GLIS3: variants seen among roughly 807,000 people sequenced by gnomAD.
GLIS3 encodes GLIS family zinc finger 3.
Under a neutral mutation model 78.6 loss-of-function variants are expected in GLIS3, and 53 were observed. The ratio of observed to expected loss-of-function variants is 0.67; its 90% CI spans 0.54 to 0.85. The LOEUF (loss-of-function observed/expected upper bound fraction) is 0.85. GLIS3 is among the 40% of genes least tolerant of loss of function. GLIS3 has a pLI of 0.00. For synonymous variants in GLIS3, 684 were observed against 509.9 expected, an observed-to-expected ratio of 1.34 and a Z score of -4.60; for missense variants, 1,703 against 1,231.1, an observed-to-expected ratio of 1.38 and a Z score of -5.74.
At chr9:4,078,537 C>T (rs1828272835) in intron 4 of GLIS3, among the ~76,000 whole-genome samples, 1 of 152,210 alleles carries the variant, frequency 6.6e-6, no homozygotes, top group African/African-American at 2.4e-5. Context: ...GGAACCACCA[C>T]AGGCTGCCTG....
At chr9:3,864,979 T>C (rs1441533208) in intron 8 of GLIS3, among the ~76,000 whole-genome samples, 1 of 152,190 alleles carries the variant, frequency 6.6e-6, no homozygotes, top group East Asian at 1.9e-4. Context: ...TGCCAATTCC[T>C]GTGCCCAGGT....
chr9:4,203,638 A>C (rs1819600105), intron 2 of GLIS3, among the ~76,000 whole-genome samples: 1 of 152,246 alleles, frequency 6.6e-6, no homozygotes, highest in Admixed American at 6.5e-5. Flanking sequence ...TTTTCAACCA[A>C]AAAGATATAT....
chr9:4,470,679 T>G, the GLIS3 span, among the ~76,000 whole-genome samples: 1 of 151,922 alleles, frequency 6.6e-6, no homozygotes, highest in Admixed American at 6.6e-5. Flanking sequence ...AAGCATTCCC[T>G]TTGAAAACTG....
chr9:4,068,423 C>T (rs772955203), intron 4 of GLIS3, among the ~76,000 whole-genome samples: 29 of 151,868 alleles, frequency 1.9e-4, no homozygotes, highest in Non-Finnish European at 3.2e-4. Context: ...TTTATAACTT[C>T]CAAGTTGCAA....
chr9:4,449,196 C>A, the GLIS3 span, among the ~76,000 whole-genome samples: 1 of 152,328 alleles, frequency 6.6e-6, no homozygotes, highest in South Asian at 2.1e-4. Flanking sequence ...GGATCCCAAG[C>A]CCACAGAACC....
intron 2 of GLIS3, among the ~76,000 whole-genome samples, chr9:4,193,761 A>G (rs546416220): frequency 6.6e-6 from 1 of 152,370 alleles, no homozygotes; most frequent in South Asian, 2.1e-4. Context: ...CAGATGTCTT[A>G]GAGGCAAATG....
At chr9:4,102,349 G>A (rs1358262183) in intron 4 of GLIS3, among the ~76,000 whole-genome samples, 1 of 152,160 alleles carries the variant, frequency 6.6e-6, no homozygotes. Context: ...GGTTTTTTAA[G>A]CCAAGTATCT....
chr9:3,867,232 G>C (rs145134669), intron 8 of GLIS3, among the ~76,000 whole-genome samples: 92 of 152,272 alleles, frequency 6.0e-4, no homozygotes, highest in African/African-American at 2.0e-3. Flanking sequence ...ATGTTGTTTT[G>C]TTGTTGTTGT....
At chr9:4,307,158 G>A (rs1332757771) in intron 4 of GLIS3, among the ~76,000 whole-genome samples, 1 of 152,186 alleles carries the variant, frequency 6.6e-6, no homozygotes, top group East Asian at 1.9e-4. Context: ...AATTCTCACA[G>A]TGTAGAGGCT....
intron 6 of GLIS3, among the ~76,000 whole-genome samples, chr9:3,930,468 G>T (rs575733714): frequency 3.0e-4 from 45 of 152,152 alleles, no homozygotes; most frequent in Non-Finnish European, 6.3e-4. Flanking sequence ...TCAAGATATG[G>T]TTTTCTTTTT....
intron 2 of GLIS3, among the ~76,000 whole-genome samples, chr9:4,171,189 G>A (rs954075893): frequency 1.3e-5 from 2 of 152,098 alleles, no homozygotes; most frequent in Non-Finnish European, 2.9e-5. Context: ...TTGCAGGGAT[G>A]GGCATGGCAA....
intron 4 of GLIS3, among the ~76,000 whole-genome samples, chr9:4,100,826 T>G (rs974342029): frequency 6.6e-6 from 1 of 152,204 alleles, no homozygotes; most frequent in African/African-American, 2.4e-5. Context: ...TAACTAACCC[T>G]GGGGTAGAAA....
chr9:4,054,364 G>C, intron 4 of GLIS3: 1 of 985,402 alleles, frequency 1.0e-6, no homozygotes, highest in Middle Eastern at 5.2e-4. Flanking sequence ...AAAAGGCACA[G>C]AGCAATAAAA....
the GLIS3 span, among the ~76,000 whole-genome samples, chr9:4,379,762 T>C: frequency 6.6e-6 from 1 of 152,250 alleles, no homozygotes; most frequent in Non-Finnish European, 1.5e-5. Flanking sequence ...ACAGAGGTAT[T>C]TTCAAATATC....
intron 6 of GLIS3, among the ~76,000 whole-genome samples, chr9:3,919,254 G>A (rs1476612689): frequency 6.6e-6 from 1 of 152,244 alleles, no homozygotes; most frequent in Admixed American, 6.5e-5. Context: ...GACCGCCATA[G>A]TCAGAATGGT....
At chr9:3,972,902 A>C (rs940578939) in intron 4 of GLIS3, among the ~76,000 whole-genome samples, 2 of 152,274 alleles carry the variant, frequency 1.3e-5, no homozygotes, top group Middle Eastern at 3.4e-3. Context: ...AGTTCTAGTG[A>C]ATCTCTCTTC....
At chr9:4,278,277 G>T (rs1017362374) in intron 2 of GLIS3, among the ~76,000 whole-genome samples, 1 of 152,140 alleles carries the variant, frequency 6.6e-6, no homozygotes, top group Non-Finnish European at 1.5e-5. Context: ...CAGTCAACAA[G>T]AACACCCTTT....
chr9:4,143,749 A>T (rs10114763), intron 2 of GLIS3, among the ~76,000 whole-genome samples: 59,126 of 151,864 alleles, frequency 0.39, 11,789 homozygotes, highest in South Asian at 0.44. Context: ...CCAACCCCTG[A>T]CAACCACTAT....
At chr9:4,418,032 C>A in the GLIS3 span, among the ~76,000 whole-genome samples, 2 of 152,156 alleles carry the variant, frequency 1.3e-5, no homozygotes, top group Admixed American at 1.3e-4. Flanking sequence ...CTAACACCTC[C>A]AGTCATTGTG....
Sources: allele counts gnomAD v4.1 joint callset (sites outside exome capture counted in the v4.1 genomes callset), GRCh38; gene constraint gnomAD v4.1.1; transcripts MANE v1.5; gene names NCBI Gene and HGNC (gene_info 2026-07-23, HGNC 2026-07-21).